LMO7: variants seen among roughly 807,000 people sequenced by gnomAD.
LMO7 encodes LIM domain only protein 7.
In LMO7, 120 loss-of-function variants were observed where a neutral mutation model predicts 206.5. The ratio of observed to expected loss-of-function variants is 0.58; its 90% CI spans 0.50 to 0.68. The LOEUF is 0.68. LMO7 is among the 30% of genes least tolerant of loss of function. The probability of loss-of-function intolerance (pLI) is 0.00; values close to 1 mark genes in which losing one functional copy is unlikely to be tolerated. For synonymous variants in LMO7, 706 were observed against 681.5 expected, an observed-to-expected ratio of 1.04 and a Z score of -0.56; for missense variants, 1,959 against 1,957.9, an observed-to-expected ratio of 1.00 and a Z score of -0.01.
intron 3 of LMO7, among the ~76,000 whole-genome samples, chr13:75,748,377 A>C (rs904652778): frequency 1.3e-5 from 2 of 152,234 alleles, no homozygotes; most frequent in South Asian, 2.1e-4. Flanking sequence ...TTAATGTATG[A>C]CCTTGGGCAA....
At chr13:75,654,029 A>G (rs982954425) in intron 1 of LMO7, among the ~76,000 whole-genome samples, 1 of 152,130 alleles carries the variant, frequency 6.6e-6, no homozygotes, top group African/African-American at 2.4e-5. Flanking sequence ...GTTTTATTTC[A>G]TATAAAAAAG....
At chr13:75,744,565 C>A (rs2046679381) in intron 3 of LMO7, among the ~76,000 whole-genome samples, 1 of 152,128 alleles carries the variant, frequency 6.6e-6, no homozygotes, top group African/African-American at 2.4e-5. Flanking sequence ...CCCTTAGGTA[C>A]CTTTTGTTAC....
At chr13:75,718,272 C>G (rs1049017131) in intron 2 of LMO7, among the ~76,000 whole-genome samples, 43 of 152,154 alleles carry the variant, frequency 2.8e-4, no homozygotes, top group African/African-American at 9.9e-4. Flanking sequence ...TAGAGACACT[C>G]TAAAGACTCA....
At chr13:75,777,781 G>T (rs1047539270) in intron 4 of LMO7, among the ~76,000 whole-genome samples, 5 of 151,780 alleles carry the variant, frequency 3.3e-5, no homozygotes, top group Non-Finnish European at 1.5e-5. Context: ...GAGTAGCTGG[G>T]ACTACAGGCG....
chr13:75,639,579 G>A (rs1354582978), intron 1 of LMO7, among the ~76,000 whole-genome samples: 2 of 152,140 alleles, frequency 1.3e-5, no homozygotes, highest in Non-Finnish European at 2.9e-5. Context: ...GGAAAATACA[G>A]CCTGGACTCT....
At chr13:75,689,267 A>G (rs999874280) in intron 1 of LMO7, 2 of 152,202 alleles carry the variant, frequency 1.3e-5, no homozygotes, top group Admixed American at 1.3e-4. Flanking sequence ...CCACACAACC[A>G]GAAGTCAGTA....
chr13:75,825,167 C>T (rs984861576), intron 15 of LMO7, among the ~76,000 whole-genome samples: 3 of 151,806 alleles, frequency 2.0e-5, no homozygotes, highest in African/African-American at 7.3e-5. Flanking sequence ...ATTATCATTA[C>T]ATTTTTAAGG....
At chr13:75,744,485 A>T (rs543901152) in intron 3 of LMO7, among the ~76,000 whole-genome samples, 35 of 152,330 alleles carry the variant, frequency 2.3e-4, no homozygotes, top group Non-Finnish European at 4.7e-4. Flanking sequence ...AGGTAAAAAT[A>T]ATTGTTTCAG....
chr13:75,718,115 C>T (rs1290470223), intron 2 of LMO7, among the ~76,000 whole-genome samples: 1 of 152,170 alleles, frequency 6.6e-6, no homozygotes, highest in African/African-American at 2.4e-5. Flanking sequence ...TTGGCATTTG[C>T]ATGCCTTTTT....
chr13:75,727,076 T>C lies in LMO7; in HGVS notation c.188T>C (p.Leu63Pro). Residue 63 changes from leucine (L) to proline (P), a missense_variant, in exon 3 of 31, where the codon CTG becomes CCG. Physicochemically the swap from Leu to Pro is moderately conservative, Grantham distance 98. Coordinates refer to ENST00000377534, the MANE Select transcript of LMO7 (RefSeq NM_001306080.2). ...GGCGTCATTAAGAAGATCAATAGAC[T>C]GTCTACACCAATAGCAGGATTGGTA... is the stretch of plus-strand genomic sequence containing the variant. ...KPGVIKKINR[L>P]STPIAGLDNI... 1 of 1,587,156 alleles carries C rather than the reference T, an allele frequency of 6.3e-7. No individual in the cohort carries two copies. The highest frequency in any genetic ancestry group is 8.6e-7 in the Non-Finnish European group (1 of 1,156,910).
intron 1 of LMO7, among the ~76,000 whole-genome samples, chr13:75,686,953 A>T (rs960821564): frequency 6.6e-6 from 1 of 152,140 alleles, no homozygotes; most frequent in Non-Finnish European, 1.5e-5. Flanking sequence ...TAAGGGCACA[A>T]ATTTCATAGA....
intron 6 of LMO7, among the ~76,000 whole-genome samples, chr13:75,799,864 CACTA>C (rs1297274244): frequency 3.3e-5 from 5 of 152,136 alleles, no homozygotes; most frequent in Middle Eastern, 3.2e-3. Context: ...TATATTTTGT[CACTA>C]ACATTCACAG....
chr13:75,706,662 G>T (rs536841637), intron 1 of LMO7, among the ~76,000 whole-genome samples: 2 of 152,266 alleles, frequency 1.3e-5, no homozygotes, highest in African/African-American at 4.8e-5. Flanking sequence ...TGGATGAAAA[G>T]ATTAACTGAA....
At chr13:75,675,702 A>C (rs778067942) in intron 1 of LMO7, among the ~76,000 whole-genome samples, 1 of 152,224 alleles carries the variant, frequency 6.6e-6, no homozygotes, top group Non-Finnish European at 1.5e-5. Context: ...AGAGCTCTGT[A>C]TCTAAATGTT....
intron 2 of LMO7, among the ~76,000 whole-genome samples, chr13:75,631,086 G>A (rs919731145): frequency 5.9e-5 from 9 of 152,082 alleles, no homozygotes; most frequent in African/African-American, 1.2e-4. Flanking sequence ...GAGTGCAGTC[G>A]TGCAATCTTG....
At chr13:75,846,427 G>A (rs747602094) in intron 26 of LMO7, among the ~76,000 whole-genome samples, 5 of 152,062 alleles carry the variant, frequency 3.3e-5, no homozygotes, top group African/African-American at 7.2e-5. Flanking sequence ...AATTTATCAC[G>A]TACTTTTCTG....
At position 75,834,239 on chromosome 13, in the gene LMO7, ATT is replaced by A; in HGVS notation, c.3081_3082del (p.Gln1029AlafsTer5). The A allele has an allele frequency of 6.3e-7, 1 of 1,592,720 alleles. No individual in the cohort carries two copies. The highest frequency in any genetic ancestry group is 8.5e-7 in the Non-Finnish European group (1 of 1,170,150). On this transcript the variant is annotated frameshift_variant, in exon 17 of 31. Coordinates refer to ENST00000377534, the MANE Select transcript of LMO7 (RefSeq NM_001306080.2). LOFTEE classifies it high-confidence loss of function. ...ASVEAGSPAE[F>X]SQLQVDDEII... ...TTGCATTTTTAGGTAGCCCAGCAGA[ATT>A]TTCTCAGCTACAAGTAGATGATGAA...
chr13:75,816,216 T>A (rs778660651), intron 11 of LMO7, among the ~76,000 whole-genome samples: 7 of 152,208 alleles, frequency 4.6e-5, no homozygotes, highest in Non-Finnish European at 1.0e-4. Flanking sequence ...GATGGCAACA[T>A]CTTGGAAGGC....
intron 1 of LMO7, among the ~76,000 whole-genome samples, chr13:75,698,611 T>C (rs543219815): frequency 5.3e-5 from 8 of 152,008 alleles, no homozygotes; most frequent in African/African-American, 1.9e-4. Flanking sequence ...AGTTTTTTTT[T>C]TTTTTTTCGG....
Sources: gnomAD v4.1 joint callset for allele counts (sites outside exome capture counted in the v4.1 genomes callset) on GRCh38, gnomAD v4.1.1 for gene constraint, MANE v1.5 for transcripts, NCBI Gene and HGNC (gene_info 2026-07-23, HGNC 2026-07-21) for gene names.